The following PCDHA2 variants were observed in gnomAD, a reference collection of about 807,000 sequenced individuals.
PCDHA2 encodes the protein protocadherin alpha 2, also known as protocadherin alpha-2.
In PCDHA2, 58 loss-of-function variants were observed where a neutral mutation model predicts 66.0. The ratio of observed to expected loss-of-function variants is 0.88; its 90% CI spans 0.71 to 1.09. PCDHA2 has a LOEUF of 1.09. Among genes scored for constraint, PCDHA2 ranks in the 50% least tolerant of loss-of-function variants. The probability of loss-of-function intolerance (pLI) is 0.00; values close to 1 mark genes in which losing one functional copy is unlikely to be tolerated. For synonymous variants in PCDHA2, 634 were observed against 554.0 expected (o/e 1.14, Z -2.03); for missense variants, 1,267 against 1,242.3 (o/e 1.02, Z -0.30).
intron 1 of PCDHA2, chr5:140,850,407 G>C: frequency 6.3e-7 from 1 of 1,597,938 alleles, no homozygotes; most frequent in Non-Finnish European, 8.6e-7. Context: ...GCGTGCCCTG[G>C]ACGAAACGGA....
chr5:140,913,055 T>G (rs1554195719), intron 1 of PCDHA2, among the ~76,000 whole-genome samples: 2 of 152,184 alleles, frequency 1.3e-5, no homozygotes, highest in African/African-American at 4.8e-5. Context: ...GAGTTTTATT[T>G]TATTTTGATG....
intron 1 of PCDHA2, chr5:140,863,417 G>T (rs182048002): frequency 3.6e-5 from 25 of 701,046 alleles, no homozygotes; most frequent in South Asian, 3.2e-4. Flanking sequence ...CTGGTGTACC[G>T]CAGCGTAGTG....
At chr5:140,876,567 G>A (rs782286416) in intron 1 of PCDHA2, 1 of 1,614,186 alleles carries the variant, frequency 6.2e-7, no homozygotes, top group Non-Finnish European at 8.5e-7. Context: ...ATGCTCAGGT[G>A]GGTACCGTCA....
At chr5:140,935,908 T>TG (rs2090628873) in intron 1 of PCDHA2, among the ~76,000 whole-genome samples, 1 of 151,636 alleles carries the variant, frequency 6.6e-6, no homozygotes, top group Non-Finnish European at 1.5e-5. Context: ...TTTTTTTTTT[T>TG]TTGAGACAGA....
At chr5:140,860,049 G>C (rs2046155952) in intron 1 of PCDHA2, 1 of 151,206 alleles carries the variant, frequency 6.6e-6, no homozygotes, top group Non-Finnish European at 1.5e-5. Context: ...AGCATTTTGA[G>C]AGGCCAAGGT....
In PCDHA2 at chr5:140,796,155, G is replaced by T. The variant is rs782065260; in HGVS notation, c.1191G>T (p.Leu397=). ...CSLTPHVPFK[L]VSTFKNYYSL... Reference sequence around the variant, plus strand: ...TGACGCCCCACGTCCCTTTCAAGCTGGTGTCCACCTTCAAGAATTACTACT... The same window carrying T: ...TGACGCCCCACGTCCCTTTCAAGCTTGTGTCCACCTTCAAGAATTACTACT... Residue 397 remains leucine (L), a synonymous_variant, in exon 1 of 4, where the codon CTG becomes CTT. Coordinates refer to ENST00000526136, the MANE Select transcript of PCDHA2 (RefSeq NM_018905.3). The T allele has an allele frequency of 6.2e-7, 1 of 1,614,082 alleles. No homozygotes were observed. The highest frequency in any genetic ancestry group is 2.2e-5 in the East Asian group (1 of 44,900).
At chr5:141,009,257 C>T (rs1375950001) in intron 3 of PCDHA2, among the ~76,000 whole-genome samples, 1 of 152,136 alleles carries the variant, frequency 6.6e-6, no homozygotes, top group East Asian at 1.9e-4. Flanking sequence ...GTGTTTGAGA[C>T]CAGCCTGGGC....
At chr5:140,822,357 T>C in intron 1 of PCDHA2, 1 of 1,614,132 alleles carries the variant, frequency 6.2e-7, no homozygotes, top group Non-Finnish European at 8.5e-7. Context: ...TAGAGCTGGT[T>C]TTGAGGAAAT....
rs138821024 is a variant in PCDHA2, at chr5:140,968,111, C to T, written c.2389-10838C>T. ...AGCCACAGATGGGGGAATACCGCAG[C>T]TCACATCCCTGCGTACACTGAAGGT... On this transcript the variant is annotated intron_variant, in intron 1 of 3. Transcript: ENST00000526136. 533 of 1,614,062 alleles carry T rather than the reference C, an allele frequency of 3.3e-4. 1 individual carries two copies. The highest frequency in any genetic ancestry group is 4.1e-4 in the Non-Finnish European group (489 of 1,180,052).
chr5:140,977,974 A>G (rs2096783738), intron 1 of PCDHA2, among the ~76,000 whole-genome samples: 1 of 152,182 alleles, frequency 6.6e-6, no homozygotes, highest in African/African-American at 2.4e-5. Context: ...CCGCCCATGA[A>G]AACGCATCTA....
At chr5:140,916,550 A>G (rs1355799677) in intron 1 of PCDHA2, among the ~76,000 whole-genome samples, 5 of 152,052 alleles carry the variant, frequency 3.3e-5, no homozygotes, top group Admixed American at 1.3e-4. Flanking sequence ...TGGGTTTTCT[A>G]TTTGTCCAGG....
chr5:140,797,351 AG>A lies in PCDHA2; in HGVS notation c.2388+1del, dbSNP rs1581626087. ...KQLSESEYVG[K>X]PRQPNPDWRY... is the part of the protein sequence containing the mutation. The stretch of plus-strand genomic sequence containing the variant: ...CTCTCAGAATCAGAATACGTAGGAA[AG>A]GTGAGTCTTTTACTTTTTCTTGCCA... On this transcript the variant is annotated frameshift_variant and splice_region_variant, in exon 1 of 4. Transcript: ENST00000526136. LOFTEE classifies it high-confidence loss of function. The A allele has an allele frequency of 6.2e-7, 1 of 1,613,658 alleles. No individual in the cohort carries two copies.
At chr5:140,822,263 C>G (rs1470346995) in intron 1 of PCDHA2, 3 of 1,614,110 alleles carry the variant, frequency 1.9e-6, no homozygotes, top group Non-Finnish European at 2.5e-6. Flanking sequence ...GATATTGGAG[C>G]AAATGCACAA....
intron 1 of PCDHA2, chr5:140,869,435 A>G (rs1554163053): frequency 6.2e-7 from 1 of 1,614,208 alleles, no homozygotes; most frequent in Admixed American, 1.7e-5. Context: ...GTGATCGTGG[A>G]CAGGCCGCTG....
chr5:140,995,449 A>G (rs1279825778), intron 3 of PCDHA2, among the ~76,000 whole-genome samples: 18 of 152,120 alleles, frequency 1.2e-4, no homozygotes, highest in African/African-American at 3.9e-4. Flanking sequence ...AAACTTATGA[A>G]TTGTTTATTT....
chr5:140,892,901 C>G (rs994625869), intron 1 of PCDHA2, among the ~76,000 whole-genome samples: 1 of 152,196 alleles, frequency 6.6e-6, no homozygotes, highest in African/African-American at 2.4e-5. Flanking sequence ...CTTTCCCCAT[C>G]CTCCTTTTCC....
At chr5:140,898,712 T>C (rs1219344656) in intron 1 of PCDHA2, among the ~76,000 whole-genome samples, 2 of 152,206 alleles carry the variant, frequency 1.3e-5, no homozygotes, top group African/African-American at 4.8e-5. Flanking sequence ...AGTAGTTTTT[T>C]CCAATTCTGT....
intron 1 of PCDHA2, chr5:140,882,952 G>A (rs782634608): frequency 3.7e-6 from 6 of 1,614,048 alleles, no homozygotes; most frequent in Non-Finnish European, 5.1e-6. Flanking sequence ...CAGTTCAGCT[G>A]CTCATCACGA....
At chr5:140,804,422 AT>A (rs1554123073) in intron 1 of PCDHA2, 1 of 152,064 alleles carries the variant, frequency 6.6e-6, no homozygotes, top group African/African-American at 2.4e-5. Context: ...TTATATATTC[AT>A]TTTAAAAGAA....
Sources: gnomAD v4.1 joint callset for allele counts (sites outside exome capture counted in the v4.1 genomes callset) on GRCh38, gnomAD v4.1.1 for gene constraint, MANE v1.5 for transcripts, NCBI Gene and HGNC (gene_info 2026-07-23, HGNC 2026-07-21) for gene names.